Variants in ASB15 observed in about 807,000 individuals in gnomAD.
ASB15 encodes the protein ankyrin repeat and SOCS box protein 15.
In ASB15, 54 loss-of-function variants were observed where a neutral mutation model predicts 58.0. The observed-to-expected ratio is 0.93, with a 90% CI of 0.75 to 1.17. ASB15 has a LOEUF of 1.17. Ranked by LOEUF, ASB15 falls within the 50% of genes most tolerant of loss-of-function variation. The pLI is 0.00. For synonymous variants in ASB15, 249 were observed against 262.4 expected, an observed-to-expected ratio of 0.95 and a Z score of 0.50; for missense variants, 680 against 707.4, an observed-to-expected ratio of 0.96 and a Z score of 0.44.
intron 1 of ASB15, among the ~76,000 whole-genome samples, chr7:123,594,344 TGGA>T (rs1236659596): frequency 2.0e-5 from 3 of 152,298 alleles, no homozygotes; most frequent in East Asian, 1.9e-4. Context: ...TGTGTTCCTT[TGGA>T]GGAGAAGAGG....
intron 1 of ASB15, among the ~76,000 whole-genome samples, chr7:123,589,472 C>A (rs895026847): frequency 5.3e-5 from 4 of 75,776 alleles, no homozygotes; most frequent in Non-Finnish European, 1.2e-4. Flanking sequence ...CCTCCTCCAG[C>A]CCCCCACCTC....
chr7:123,632,798 C>T (rs1361983428), intron 11 of ASB15, among the ~76,000 whole-genome samples: 1 of 151,960 alleles, frequency 6.6e-6, no homozygotes, highest in African/African-American at 2.4e-5. Flanking sequence ...TCAAGAAAAA[C>T]TTGTAATAAA....
At chr7:123,634,578 G>C (rs1007373214) in intron 11 of ASB15, among the ~76,000 whole-genome samples, 7 of 152,024 alleles carry the variant, frequency 4.6e-5, no homozygotes, top group African/African-American at 1.2e-4. Flanking sequence ...AAACTGGTCA[G>C]CTCCAGAATA....
intron 4 of ASB15, chr7:123,615,496 A>G (rs1008050230): frequency 6.6e-6 from 1 of 152,218 alleles, no homozygotes; most frequent in Non-Finnish European, 1.5e-5. Flanking sequence ...CCTGGAAGGC[A>G]TTCACAACCC....
upstream of ASB15, among the ~76,000 whole-genome samples, chr7:123,601,680 T>C (rs189273921): frequency 1.3e-5 from 2 of 152,184 alleles, no homozygotes; most frequent in Non-Finnish European, 2.9e-5. Flanking sequence ...ATAATCTTAT[T>C]ATACCTCTGT....
chr7:123,619,862 C>T (rs753848402), intron 7 of ASB15: 3 of 152,278 alleles, frequency 2.0e-5, no homozygotes, highest in Non-Finnish European at 2.9e-5. Context: ...AACTTTCAGC[C>T]TTCACAAATT....
intron 8 of ASB15, 138 bp from the exon 9 acceptor site, chr7:123,626,972 A>C (rs928201863): frequency 3.6e-6 from 3 of 827,078 alleles, no homozygotes; most frequent in Non-Finnish European, 5.6e-6. Context: ...TCCTGACCTC[A>C]TGATCCGCCC....
upstream of ASB15, among the ~76,000 whole-genome samples, chr7:123,598,355 AT>A (rs1324769210): frequency 7.9e-5 from 12 of 152,322 alleles, no homozygotes; most frequent in East Asian, 2.3e-3. Context: ...ACCTTTAGAT[AT>A]CTCTAAATGA....
intron 1 of ASB15, among the ~76,000 whole-genome samples, chr7:123,603,340 G>T (rs1411110908): frequency 6.6e-6 from 1 of 152,124 alleles, no homozygotes; most frequent in Non-Finnish European, 1.5e-5. Context: ...ACTAAGAATT[G>T]GTGGGTTAAT....
intron 1 of ASB15, among the ~76,000 whole-genome samples, chr7:123,570,474 A>G (rs112096773): frequency 0.013 from 2,040 of 151,842 alleles, 44 homozygotes; most frequent in African/African-American, 0.046. Flanking sequence ...TAGCCATGTG[A>G]TGCCTCCTTG....
rs1357121044 is a variant in ASB15 at position 123,617,725 on chromosome 7, C to A, written c.439C>A (p.Pro147Thr). The A allele has an allele frequency of 1.2e-6, 2 of 1,608,816 alleles. No individual in the cohort carries two copies. Among genetic ancestry groups the A allele is most frequent in the East Asian group, 4.5e-5 (2 of 44,850 alleles). The change falls in exon 7 of 12, where the codon CCC (proline) becomes ACC (threonine). Residue 147 changes from proline (P) to threonine (T), a missense_variant. Transcript: ENST00000451215. Reference sequence around the variant, plus strand: ...CACAAAAAATGATAAAGGAGAGACCCCCCTTCTGATTGGTAAATGACCTTT... The same window carrying A: ...CACAAAAAATGATAAAGGAGAGACCACCCTTCTGATTGGTAAATGACCTTT... ...PNTKNDKGET[P>T]LLIAVKKGSY...
At chr7:123,582,906 C>A (rs948558755) in intron 1 of ASB15, among the ~76,000 whole-genome samples, 2 of 151,862 alleles carry the variant, frequency 1.3e-5, no homozygotes, top group Non-Finnish European at 2.9e-5. Flanking sequence ...TCATTTAGAA[C>A]GCTCAGAAAT....
chr7:123,617,725 C>T lies in ASB15; in HGVS notation c.439C>T (p.Pro147Ser), dbSNP rs1357121044. The T allele has an allele frequency of 6.2e-7, 1 of 1,608,816 alleles. No individual in the cohort carries two copies. Among genetic ancestry groups the T allele is most frequent in the Non-Finnish European group, 8.5e-7 (1 of 1,177,248 alleles). Residue 147 changes from proline to serine, a missense_variant, in exon 7 of 12, where the codon CCC becomes TCC. Coordinates refer to ENST00000451215, the MANE Select transcript of ASB15 (RefSeq NM_001290258.2). ...CACAAAAAATGATAAAGGAGAGACC[C>T]CCCTTCTGATTGGTAAATGACCTTT... ...PNTKNDKGET[P>S]LLIAVKKGSY... is the part of the protein sequence containing the mutation.
intron 7 of ASB15, among the ~76,000 whole-genome samples, chr7:123,619,072 C>T (rs1054479271): frequency 1.4e-5 from 2 of 147,394 alleles, no homozygotes; most frequent in African/African-American, 2.5e-5. Context: ...CCCAGCTACT[C>T]GGGAGGCTGA....
intron 7 of ASB15, among the ~76,000 whole-genome samples, chr7:123,621,935 G>A (rs1801356996): frequency 6.6e-6 from 1 of 152,178 alleles, no homozygotes. Context: ...GGACCATCTG[G>A]CATGACGCTT....
rs929603717 is a variant in ASB15, at chr7:123,593,098, C to CT, written c.-442-10925dup. Among the ~76,000 whole-genome samples the CT allele has an allele frequency of 2.6e-4, 39 of 150,786 alleles. No individual in the cohort carries two copies. The East Asian group carries it at 6.2e-3, about 24-fold the overall frequency. ...TCAGAGACCAGGATTGCAGCCCCTGCTTTTTTTTTACTTTCCATTTGTTTG... is the reference window on the plus strand; with the variant it reads ...TCAGAGACCAGGATTGCAGCCCCTGCTTTTTTTTTTACTTTCCATTTGTTTG... On this transcript the variant is annotated intron_variant, in intron 1 of 13. Coordinates refer to the ASB15 transcript ENST00000451558.
chr7:123,638,957 G>C lies in ASB15; in HGVS notation c.*1976G>C, dbSNP rs1802535623. The stretch of plus-strand genomic sequence containing the variant: ...GGCCAAACACATTCCCTAGAGCATG[G>C]AGTTCAATAATTGTTTGTTGAAATA... On this transcript the variant is annotated 3_prime_UTR_variant, in exon 12 of 12. Transcript: ENST00000451215. 6.6e-6 allele frequency: 1 copy of C among 152,116 alleles called. No individual in the cohort carries two copies. Among genetic ancestry groups the C allele is most frequent in the African/African-American group, 2.4e-5 (1 of 41,422 alleles). 9.4% of individuals were successfully genotyped at this position (152,116 alleles called of 1,614,324 possible). A position where few individuals can be genotyped will look rare whatever the true frequency, so the allele number is the denominator to read the frequency against.
chr7:123,628,851 T>A lies in ASB15; in HGVS notation c.870-13T>A, dbSNP rs756037760. 3 of 1,482,386 alleles carry A rather than the reference T, an allele frequency of 2.0e-6. No individual in the cohort carries two copies. Among genetic ancestry groups the A allele is most frequent in the South Asian group, 1.4e-5 (1 of 72,916 alleles). 91.8% of individuals were successfully genotyped at this position (1,482,386 alleles called of 1,614,324 possible). ...TCTTTATGGCAAGTAGATATTTGAC[T>A]TTTTTCTTTTAGTGCACTGAAATAT... On this transcript the variant is annotated splice_polypyrimidine_tract_variant and intron_variant, in intron 9 of 11. Transcript: ENST00000451215.
chr7:123,593,390 G>GT (rs200203506), intron 1 of ASB15, among the ~76,000 whole-genome samples: 2,571 of 152,236 alleles, frequency 0.017, 66 homozygotes, highest in African/African-American at 0.058. Context: ...AATTTGGCAT[G>GT]TTTTTGCAGT....
Sources: gnomAD v4.1 joint callset for allele counts (sites outside exome capture counted in the v4.1 genomes callset) on GRCh38, gnomAD v4.1.1 for gene constraint, MANE v1.5 for transcripts, NCBI Gene and HGNC (gene_info 2026-07-23, HGNC 2026-07-21) for gene names.